The following CADM2 variants were observed in gnomAD, a reference collection of about 807,000 sequenced individuals.
CADM2 encodes immunoglobulin superfamily member 4D.
In CADM2, 12 loss-of-function variants were observed where a neutral mutation model predicts 49.8. That is an observed-to-expected ratio of 0.24 (90% confidence interval 0.15 to 0.39). The LOEUF (loss-of-function observed/expected upper bound fraction) is 0.39, where lower values mean the gene tolerates loss of function less well. Ranked by LOEUF, CADM2 falls within the 10% of genes least tolerant of loss-of-function variation. The pLI is 1.00. For synonymous variants in CADM2, 214 were observed against 175.4 expected, an observed-to-expected ratio of 1.22 and a Z score of -1.74; for missense variants, 378 against 492.3, an observed-to-expected ratio of 0.77 and a Z score of 2.20.
chr3:85,075,899 T>A (rs2036923295), intron 1 of CADM2, among the ~76,000 whole-genome samples: 1 of 152,136 alleles, frequency 6.6e-6, no homozygotes, highest in Non-Finnish European at 1.5e-5. Context: ...CAACACTGAG[T>A]CATTTCAAAT....
intron 1 of CADM2, among the ~76,000 whole-genome samples, chr3:85,286,000 C>T (rs371761001): frequency 1.4e-4 from 21 of 152,078 alleles, no homozygotes; most frequent in East Asian, 7.8e-4. Context: ...AAATGAAAGG[C>T]GCAAATGACT....
intron 1 of CADM2, among the ~76,000 whole-genome samples, chr3:85,559,382 T>C (rs916843262): frequency 3.3e-5 from 5 of 152,078 alleles, no homozygotes; most frequent in Admixed American, 6.6e-5. Context: ...TCCTATTCAA[T>C]ATCTTAATGG....
intron 3 of CADM2, among the ~76,000 whole-genome samples, chr3:85,867,147 CT>C (rs761422180): frequency 6.6e-6 from 1 of 152,012 alleles, no homozygotes; most frequent in Non-Finnish European, 1.5e-5. Context: ...CAAGATAGTA[CT>C]TTTATGTATG....
In CADM2 at chr3:86,013,992, G is replaced by A. The variant is rs190854878; in HGVS notation, c.971-51613G>A. 1.7e-3 allele frequency: 2,455 copies of A among 1,451,904 alleles called. 11 individuals are homozygous for A. The highest frequency in any genetic ancestry group is 2.0e-3 in the Non-Finnish European group (2,133 of 1,071,278). 89.9% of individuals were successfully genotyped at this position (1,451,904 alleles called of 1,614,324 possible). On this transcript the variant is annotated intron_variant, in intron 8 of 9. Coordinates refer to ENST00000383699, the MANE Select transcript of CADM2 (RefSeq NM_001167675.2). ...AGTATCTGTTGCATTAGGAACAATT[G>A]AAGAAGTTTGTTCTTTTTTCCCTTG...
intron 8 of CADM2, among the ~76,000 whole-genome samples, chr3:86,035,652 A>G (rs1280830282): frequency 6.6e-6 from 1 of 152,080 alleles, no homozygotes; most frequent in Non-Finnish European, 1.5e-5. Context: ...AATCCCATTT[A>G]TAGCTCTTGA....
At chr3:85,529,979 A>G (rs907339841) in intron 1 of CADM2, among the ~76,000 whole-genome samples, 4 of 152,096 alleles carry the variant, frequency 2.6e-5, no homozygotes, top group African/African-American at 7.2e-5. Flanking sequence ...GTAAATGCCA[A>G]TGGGGTAGTG....
intron 1 of CADM2, among the ~76,000 whole-genome samples, chr3:85,126,351 A>G (rs1198141045): frequency 6.6e-6 from 1 of 152,126 alleles, no homozygotes; most frequent in Non-Finnish European, 1.5e-5. Flanking sequence ...TCACATACAT[A>G]TGGGTGGAGT....
intron 1 of CADM2, among the ~76,000 whole-genome samples, chr3:85,102,085 A>G (rs2038035535): frequency 6.6e-6 from 1 of 152,180 alleles, no homozygotes; most frequent in Non-Finnish European, 1.5e-5. Flanking sequence ...TAAATAAATA[A>G]AAAAAGTCTT....
At chr3:85,134,818 T>TAAAATTAAA (rs1281836051) in intron 1 of CADM2, among the ~76,000 whole-genome samples, 15 of 152,002 alleles carry the variant, frequency 9.9e-5, no homozygotes, top group African/African-American at 3.6e-4. Context: ...ATTGAGAGAT[T>TAAAATTAAA]TTATTTAATT....
intron 3 of CADM2, among the ~76,000 whole-genome samples, chr3:85,845,730 C>T (rs2074851947): frequency 6.6e-6 from 1 of 152,140 alleles, no homozygotes; most frequent in Admixed American, 6.5e-5. Context: ...ATCATTAATC[C>T]TATATCCACA....
chr3:85,225,153 T>C (rs1467869964), intron 1 of CADM2, among the ~76,000 whole-genome samples: 1 of 152,210 alleles, frequency 6.6e-6, no homozygotes, highest in Non-Finnish European at 1.5e-5. Context: ...CAGTGGTAGC[T>C]TGATGGGGAT....
intron 1 of CADM2, among the ~76,000 whole-genome samples, chr3:85,268,271 A>G (rs1170224320): frequency 6.6e-6 from 1 of 151,504 alleles, no homozygotes; most frequent in Non-Finnish European, 1.5e-5. Context: ...GATATGTTGT[A>G]TTCATTCCTA....
intron 1 of CADM2, among the ~76,000 whole-genome samples, chr3:85,144,080 T>C (rs2039656760): frequency 2.0e-5 from 3 of 152,086 alleles, no homozygotes. Flanking sequence ...TCTTTCCCAT[T>C]TGGATTTCTA....
intron 3 of CADM2, among the ~76,000 whole-genome samples, chr3:85,866,881 T>C (rs1005958064): frequency 5.3e-5 from 8 of 152,022 alleles, no homozygotes; most frequent in African/African-American, 1.9e-4. Flanking sequence ...TGCACAAACG[T>C]GCATTCATGC....
intron 1 of CADM2, among the ~76,000 whole-genome samples, chr3:85,267,589 T>G (rs1229097506): frequency 6.6e-6 from 1 of 151,680 alleles, no homozygotes; most frequent in Non-Finnish European, 1.5e-5. Context: ...TTTCACAAAA[T>G]AGAAAGTAAG....
At chr3:85,486,717 T>C (rs2039431982) in intron 1 of CADM2, among the ~76,000 whole-genome samples, 1 of 152,038 alleles carries the variant, frequency 6.6e-6, no homozygotes, top group African/African-American at 2.4e-5. Context: ...AATGTGTATA[T>C]TTTAAAGTTA....
intron 1 of CADM2, among the ~76,000 whole-genome samples, chr3:85,523,277 G>A (rs1377464367): frequency 6.6e-6 from 1 of 152,096 alleles, no homozygotes; most frequent in Non-Finnish European, 1.5e-5. Flanking sequence ...ATAAAGGAAG[G>A]AAGGCTGCAT....
chr3:85,876,778 A>G (rs937146176), intron 3 of CADM2, among the ~76,000 whole-genome samples: 1 of 152,190 alleles, frequency 6.6e-6, no homozygotes, highest in African/African-American at 2.4e-5. Context: ...ATCATGCTAC[A>G]TAAATTCAAC....
intron 1 of CADM2, among the ~76,000 whole-genome samples, chr3:85,437,408 G>A (rs900417321): frequency 1.3e-5 from 2 of 152,104 alleles, no homozygotes; most frequent in African/African-American, 4.8e-5. Flanking sequence ...AGGATGTTAA[G>A]CTTTGTAAGA....
Sources: gnomAD v4.1 joint callset for allele counts (sites outside exome capture counted in the v4.1 genomes callset) on GRCh38, gnomAD v4.1.1 for gene constraint, MANE v1.5 for transcripts, NCBI Gene and HGNC (gene_info 2026-07-23, HGNC 2026-07-21) for gene names.